The following FANCL variants were observed in gnomAD, a reference collection of about 807,000 sequenced individuals.
The protein encoded by FANCL is E3 ubiquitin-protein ligase FANCL.
In FANCL, 69 loss-of-function variants were observed where a neutral mutation model predicts 59.4. That is an observed-to-expected ratio of 1.16 (90% CI 0.96 to 1.42). The LOEUF (loss-of-function observed/expected upper bound fraction) is 1.42. Ranked by LOEUF, FANCL falls within the 40% of genes most tolerant of loss-of-function variation. The pLI, the probability that FANCL is intolerant of heterozygous loss-of-function variation, is 0.00. For synonymous variants in FANCL, 180 were observed against 147.1 expected, an observed-to-expected ratio of 1.22 and a Z score of -1.62; for missense variants, 519 against 447.2, an observed-to-expected ratio of 1.16 and a Z score of -1.45.
intron 11 of FANCL, among the ~76,000 whole-genome samples, chr2:58,162,405 T>C (rs904190375): frequency 2.6e-5 from 4 of 151,964 alleles, no homozygotes; most frequent in Non-Finnish European, 5.9e-5. Context: ...ATGTCTGTCA[T>C]TAATGACGTC....
At position 58,221,401 on chromosome 2, in the gene FANCL, G is replaced by T. The variant is rs180720762; in HGVS notation, c.374+541C>A. Reference sequence around the variant, plus strand: ...TTAAGTTTTAACAACTTGCATACACGTTTACTGAACTTAAGTTTCTTTATG... The same window carrying T: ...TTAAGTTTTAACAACTTGCATACACTTTTACTGAACTTAAGTTTCTTTATG... On this transcript the variant is annotated intron_variant, in intron 5 of 13. Coordinates refer to ENST00000233741, the MANE Select transcript of FANCL (RefSeq NM_018062.4). 5.9e-5 allele frequency among the ~76,000 whole-genome samples: 9 copies of T among 151,882 alleles called. No individual in the cohort carries two copies. The East Asian group carries it at 1.7e-3, about 29-fold the overall frequency.
At chr2:58,185,089 C>A (rs1482564975) in intron 7 of FANCL, among the ~76,000 whole-genome samples, 1 of 151,940 alleles carries the variant, frequency 6.6e-6, no homozygotes, top group Non-Finnish European at 1.5e-5. Context: ...AGAGGGAGCA[C>A]AGAAGCTAAG....
chr2:58,221,050 A>G (rs1410949229), intron 5 of FANCL, among the ~76,000 whole-genome samples: 5 of 151,966 alleles, frequency 3.3e-5, no homozygotes, highest in African/African-American at 4.8e-5. Flanking sequence ...CGTCTCTACT[A>G]AAAATACAAA....
chr2:58,186,548 G>T (rs553427854), intron 7 of FANCL, among the ~76,000 whole-genome samples: 20 of 152,344 alleles, frequency 1.3e-4, no homozygotes, highest in African/African-American at 4.8e-4. Context: ...TGGTAGCTAT[G>T]TAAGCAGCTG....
At chr2:58,203,556 C>T (rs1428176833) in intron 6 of FANCL, among the ~76,000 whole-genome samples, 3 of 151,908 alleles carry the variant, frequency 2.0e-5, no homozygotes, top group African/African-American at 7.2e-5. Flanking sequence ...GATGAAACAA[C>T]CATGTTTTGT....
intron 7 of FANCL, among the ~76,000 whole-genome samples, chr2:58,171,830 G>T (rs1212966311): frequency 6.6e-6 from 1 of 152,196 alleles, no homozygotes; most frequent in Non-Finnish European, 1.5e-5. Context: ...AGTGCAAAGG[G>T]TCAGGGAGTT....
At chr2:58,204,940 C>T (rs1464200559) in intron 5 of FANCL, among the ~76,000 whole-genome samples, 1 of 152,028 alleles carries the variant, frequency 6.6e-6, no homozygotes, top group South Asian at 2.1e-4. Context: ...ATATATAATT[C>T]TGTAAAAATA....
chr2:58,202,239 TAAAAAAAAAA>T (rs5831491), intron 6 of FANCL, among the ~76,000 whole-genome samples: 1 of 106,094 alleles, frequency 9.4e-6, no homozygotes, highest in Non-Finnish European at 1.8e-5. Context: ...ACCTTTTTCC[TAAAAAAAAAA>T]AAAAAAAAAA....
At chr2:58,176,417 G>A (rs1328457064) in intron 7 of FANCL, among the ~76,000 whole-genome samples, 1 of 151,700 alleles carries the variant, frequency 6.6e-6, no homozygotes, top group East Asian at 1.9e-4. Flanking sequence ...GCATGGTACT[G>A]GTACCAAAAC....
chr2:58,228,358 T>G (rs143600383), intron 3 of FANCL, among the ~76,000 whole-genome samples: 1 of 152,220 alleles, frequency 6.6e-6, no homozygotes, highest in Non-Finnish European at 1.5e-5. Context: ...CATCTTAACA[T>G]AGCTTTGAGT....
rs1684860684 is a variant in FANCL at position 58,159,958 on chromosome 2, T to C, written c.1092+150A>G. ...TAGGAAATCTAGAAAAGGAGTTTAATGTTTTTGATCAGAGAATTTGAAAAA... is the reference window on the plus strand; with the variant it reads ...TAGGAAATCTAGAAAAGGAGTTTAACGTTTTTGATCAGAGAATTTGAAAAA... On this transcript the variant is annotated intron_variant, in intron 13 of 13. Coordinates refer to ENST00000233741, the MANE Select transcript of FANCL (RefSeq NM_018062.4). 1.0e-5 allele frequency: 16 copies of C among 1,525,034 alleles called. 1 individual carries two copies. The South Asian group carries it at 1.9e-4, about 18-fold the overall frequency. 94.5% of individuals were successfully genotyped at this position (1,525,034 alleles called of 1,614,324 possible).
chr2:58,201,453 C>G (rs1274988297), intron 6 of FANCL, among the ~76,000 whole-genome samples: 1 of 151,798 alleles, frequency 6.6e-6, no homozygotes, highest in Non-Finnish European at 1.5e-5. Flanking sequence ...TTAATATATT[C>G]TAAAACAAAT....
intron 4 of FANCL, among the ~76,000 whole-genome samples, chr2:58,223,162 A>G (rs1692651663): frequency 1.3e-5 from 2 of 151,522 alleles, no homozygotes; most frequent in Admixed American, 1.3e-4. Context: ...ACAACTGGGA[A>G]AACAGATCCG....
chr2:58,183,749 C>T (rs1688144016), intron 7 of FANCL, among the ~76,000 whole-genome samples: 1 of 151,850 alleles, frequency 6.6e-6, no homozygotes, highest in Non-Finnish European at 1.5e-5. Context: ...TGTTACCCAT[C>T]CTTTCATTTC....
rs113490416 is a variant in FANCL, at chr2:58,233,211, T to G, written c.97-1099A>C. ...ATCCCACACAAAGGTGTAAGAACAA[T>G]TTGGAATTCTTAATTTACACGAAAA... On this transcript the variant is annotated intron_variant, in intron 1 of 13. Transcript: ENST00000233741. Among the ~76,000 whole-genome samples the G allele has an allele frequency of 1.4e-4, 21 of 151,338 alleles. 1 individual carries two copies. Among genetic ancestry groups the G allele is most frequent in the African/African-American group, 5.1e-4 (21 of 40,934 alleles).
intron 5 of FANCL, among the ~76,000 whole-genome samples, chr2:58,221,055 T>G (rs1049175488): frequency 6.7e-6 from 1 of 149,720 alleles, no homozygotes; most frequent in Non-Finnish European, 1.5e-5. Context: ...CTACTAAAAA[T>G]ACAAAAAATT....
In FANCL at chr2:58,161,593, C is replaced by A; in HGVS notation, c.949G>T (p.Gly317Cys). ...CGICYAYQLD[G>C]TIPDQVCDNS... ...TCACACACTTGATCAGGAATGGTAC[C>A]GTCAAGTTGATAAGCATAACAAATT... Residue 317 changes from glycine (G) to cysteine (C), a missense_variant, in exon 12 of 14, where the codon GGT (glycine) becomes TGT (cysteine). Physicochemically the swap from Gly to Cys is radical, Grantham distance 159. Coordinates refer to ENST00000233741, the MANE Select transcript of FANCL (RefSeq NM_018062.4). 2 of 1,611,430 alleles carry A rather than the reference C, an allele frequency of 1.2e-6. No individual in the cohort carries two copies. Among genetic ancestry groups the A allele is most frequent in the Non-Finnish European group, 1.7e-6 (2 of 1,178,022 alleles).
chr2:58,161,539 G>A lies in FANCL; in HGVS notation c.1003C>T (p.Gln335Ter), dbSNP rs1011965084. 6.2e-7 allele frequency: 1 copy of A among 1,604,692 alleles called. No homozygotes were observed. ...TTTTTTACCTCATATAAGCATATTT[G>A]ATGGAAAGGTTGTCCACACTGAGAA... ...DNSQCGQPFH[Q>*]ICLYEWLRGL... is the part of the protein sequence containing the mutation. The change falls in exon 12 of 14, where the codon CAA (glutamine) becomes TAA (stop). Residue 335 changes from glutamine to a stop codon, truncating the protein, a stop_gained. Coordinates refer to ENST00000233741, the MANE Select transcript of FANCL (RefSeq NM_018062.4). LOFTEE classifies it high-confidence loss of function.
chr2:58,188,792 G>A (rs1688651288), intron 7 of FANCL, among the ~76,000 whole-genome samples: 1 of 151,518 alleles, frequency 6.6e-6, no homozygotes, highest in African/African-American at 2.4e-5. Context: ...AAGAGCTGTT[G>A]GGATTTTGAT....
Sources: gnomAD v4.1 joint callset for allele counts (sites outside exome capture counted in the v4.1 genomes callset) on GRCh38, gnomAD v4.1.1 for gene constraint, MANE v1.5 for transcripts, NCBI Gene and HGNC (gene_info 2026-07-23, HGNC 2026-07-21) for gene names.